KIFAP3: variants seen among roughly 807,000 people sequenced by gnomAD.
KIFAP3 encodes the protein kinesin-associated protein 3.
In KIFAP3, 68 loss-of-function variants were observed where a neutral mutation model predicts 106.5. The ratio of observed to expected loss-of-function variants is 0.64; its 90% CI spans 0.53 to 0.78. The LOEUF (loss-of-function observed/expected upper bound fraction) is 0.78. Ranked by LOEUF, KIFAP3 falls within the 30% of genes least tolerant of loss-of-function variation. The probability of loss-of-function intolerance (pLI) is 0.00; values close to 1 mark genes in which losing one functional copy is unlikely to be tolerated. For synonymous variants in KIFAP3, 320 were observed against 311.5 expected, an observed-to-expected ratio of 1.03 and a Z score of -0.29; for missense variants, 780 against 941.8, an observed-to-expected ratio of 0.83 and a Z score of 2.25.
chr1:170,072,898 A>C (rs1448509145), intron 1 of KIFAP3, among the ~76,000 whole-genome samples: 1 of 152,202 alleles, frequency 6.6e-6, no homozygotes, highest in African/African-American at 2.4e-5. Context: ...CAACCTTTTC[A>C]GACTCTAATC....
chr1:170,012,067 CATTTGTA>C (rs1386642493), intron 10 of KIFAP3, among the ~76,000 whole-genome samples: 1 of 152,044 alleles, frequency 6.6e-6, no homozygotes, highest in Non-Finnish European at 1.5e-5. Context: ...TTGGGGAACT[CATTTGTA>C]ATTCATTTTT....
chr1:169,939,750 T>C (rs775705890), intron 19 of KIFAP3, among the ~76,000 whole-genome samples: 1 of 151,468 alleles, frequency 6.6e-6, no homozygotes, highest in East Asian at 1.9e-4. Context: ...ATCAGAAAAA[T>C]GGGGTATCTT....
intron 19 of KIFAP3, among the ~76,000 whole-genome samples, chr1:169,932,619 C>A (rs1038637673): frequency 6.6e-6 from 1 of 151,540 alleles, no homozygotes; most frequent in South Asian, 2.1e-4. Context: ...ATCTAACATG[C>A]ATGCTACCCC....
intron 10 of KIFAP3, among the ~76,000 whole-genome samples, chr1:170,011,566 TTACA>T (rs1668243738): frequency 6.6e-6 from 1 of 151,846 alleles, no homozygotes; most frequent in Non-Finnish European, 1.5e-5. Flanking sequence ...CATATACACA[TTACA>T]TACACATGTG....
intron 19 of KIFAP3, among the ~76,000 whole-genome samples, chr1:169,925,858 G>A (rs1277235704): frequency 6.6e-6 from 1 of 152,140 alleles, no homozygotes; most frequent in Non-Finnish European, 1.5e-5. Context: ...GAAAAGTGCT[G>A]CATAAGTGAA....
At chr1:169,927,700 G>C (rs1210415064) in intron 19 of KIFAP3, among the ~76,000 whole-genome samples, 1 of 152,208 alleles carries the variant, frequency 6.6e-6, no homozygotes, top group Non-Finnish European at 1.5e-5. Context: ...CAGGCAAAGA[G>C]AGACAGAATT....
At chr1:170,003,873 G>A (rs1283673203) in intron 10 of KIFAP3, among the ~76,000 whole-genome samples, 1 of 152,226 alleles carries the variant, frequency 6.6e-6, no homozygotes, top group Non-Finnish European at 1.5e-5. Flanking sequence ...AATCAGGCAG[G>A]AGAAGGAAAT....
chr1:170,006,547 G>C (rs764107337), intron 10 of KIFAP3, among the ~76,000 whole-genome samples: 4 of 152,078 alleles, frequency 2.6e-5, no homozygotes, highest in Non-Finnish European at 5.9e-5. Context: ...AAGTACTATG[G>C]GGTAGCAGCT....
chr1:170,025,625 G>A (rs1669062967), intron 8 of KIFAP3, among the ~76,000 whole-genome samples: 1 of 152,002 alleles, frequency 6.6e-6, no homozygotes, highest in South Asian at 2.1e-4. Flanking sequence ...AGTTTTATGA[G>A]GAAAGAAGTA....
intron 1 of KIFAP3, among the ~76,000 whole-genome samples, chr1:170,080,355 T>C (rs1011241896): frequency 4.6e-5 from 7 of 152,112 alleles, no homozygotes; most frequent in Non-Finnish European, 1.0e-4. Context: ...AATTTATCTA[T>C]AGATTCTATA....
chr1:170,055,651 TAA>T (rs1670809538), intron 1 of KIFAP3, among the ~76,000 whole-genome samples: 1 of 152,166 alleles, frequency 6.6e-6, no homozygotes, highest in Non-Finnish European at 1.5e-5. Context: ...TGTATACATA[TAA>T]CTTTGTCATG....
intron 19 of KIFAP3, among the ~76,000 whole-genome samples, chr1:169,941,641 G>T (rs1017087780): frequency 3.4e-4 from 51 of 151,692 alleles, no homozygotes; most frequent in Non-Finnish European, 1.5e-5. Context: ...ATATAAATTT[G>T]ACCTAATATA....
intron 19 of KIFAP3, among the ~76,000 whole-genome samples, chr1:169,935,288 CCTAA>C (rs1314959723): frequency 1.3e-5 from 2 of 151,700 alleles, no homozygotes; most frequent in Admixed American, 6.6e-5. Flanking sequence ...AATTTACTTG[CCTAA>C]CTATGTTCAT....
chr1:169,957,095 C>A (rs1004411461), intron 18 of KIFAP3, among the ~76,000 whole-genome samples: 3 of 152,136 alleles, frequency 2.0e-5, no homozygotes, highest in Non-Finnish European at 4.4e-5. Context: ...TTTTTCTTAA[C>A]ATTGTTCCAC....
chr1:170,043,444 C>A (rs1358138327), intron 3 of KIFAP3, among the ~76,000 whole-genome samples: 1 of 152,134 alleles, frequency 6.6e-6, no homozygotes, highest in Non-Finnish European at 1.5e-5. Flanking sequence ...CTATAACTGC[C>A]AAGTGGAGTA....
intron 10 of KIFAP3, among the ~76,000 whole-genome samples, chr1:170,006,702 G>A (rs1296496498): frequency 6.6e-6 from 1 of 152,108 alleles, no homozygotes; most frequent in Non-Finnish European, 1.5e-5. Flanking sequence ...GAAAGACAGT[G>A]AAAATAGTAA....
At chr1:170,024,680 C>T (rs1040189810) in intron 8 of KIFAP3, 84 bp from the exon 9 acceptor site, 1 of 758,974 alleles carries the variant, frequency 1.3e-6, no homozygotes. Flanking sequence ...ACCAAGGCAA[C>T]AGAGATAGCC....
At chr1:170,065,982 G>A (rs1671423844) in intron 1 of KIFAP3, among the ~76,000 whole-genome samples, 1 of 151,952 alleles carries the variant, frequency 6.6e-6, no homozygotes, top group South Asian at 2.1e-4. Context: ...ACTATACTTT[G>A]ATTATTTTCC....
At chr1:169,950,811 C>T (rs752878223) in intron 19 of KIFAP3, among the ~76,000 whole-genome samples, 6 of 151,866 alleles carry the variant, frequency 4.0e-5, no homozygotes, top group Non-Finnish European at 8.8e-5. Flanking sequence ...TTAAATTCAC[C>T]TATAGGATAT....
Sources: gnomAD v4.1 joint callset for allele counts (sites outside exome capture counted in the v4.1 genomes callset) on GRCh38, gnomAD v4.1.1 for gene constraint, MANE v1.5 for transcripts, NCBI Gene and HGNC (gene_info 2026-07-23, HGNC 2026-07-21) for gene names.